The following LHFPL2 variants were observed in gnomAD, a reference collection of about 807,000 sequenced individuals.
The protein encoded by LHFPL2 is LHFPL tetraspan subfamily member 2 protein.
LHFPL2 carries 7 observed loss-of-function variants against 17.5 expected under a neutral mutation model. The observed-to-expected ratio is 0.40, with a 90% CI of 0.23 to 0.75. The LOEUF (loss-of-function observed/expected upper bound fraction) is 0.75, where lower values mean the gene tolerates loss of function less well. Ranked by LOEUF, LHFPL2 falls within the 30% of genes least tolerant of loss-of-function variation. The pLI, the probability that LHFPL2 is intolerant of heterozygous loss-of-function variation, is 0.37. For synonymous variants in LHFPL2, 134 were observed against 116.2 expected, an observed-to-expected ratio of 1.15 and a Z score of -0.99; for missense variants, 241 against 294.8, an observed-to-expected ratio of 0.82 and a Z score of 1.34.
chr5:78,515,067 T>C (rs988747807), intron 3 of LHFPL2, among the ~76,000 whole-genome samples: 32 of 152,170 alleles, frequency 2.1e-4, no homozygotes, highest in African/African-American at 7.0e-4. Context: ...CATTTTCCTA[T>C]ATAACCACAA....
In LHFPL2 at chr5:78,623,754, T is replaced by TA. The variant is rs564309816; in HGVS notation, c.-245+8509dup. On this transcript the variant is annotated intron_variant, in intron 2 of 4. Transcript: ENST00000380345. The stretch of plus-strand genomic sequence containing the variant: ...TAGATTTTCCAAATAAGCCATTTTT[T>TA]ATTAACACATATGTATTCTTAATTT... 3.8e-3 allele frequency among the ~76,000 whole-genome samples: 574 copies of TA among 152,370 alleles called. 4 individuals carry two copies. The highest frequency in any genetic ancestry group is 0.012 in the African/African-American group (495 of 41,586).
chr5:78,567,992 T>C (rs1756902511), intron 2 of LHFPL2, among the ~76,000 whole-genome samples: 1 of 130,210 alleles, frequency 7.7e-6, no homozygotes, highest in Non-Finnish European at 1.9e-5. Context: ...AAACTCAGTG[T>C]AAAGAGTGTG....
At chr5:78,587,933 G>C (rs1441710) in intron 2 of LHFPL2, among the ~76,000 whole-genome samples, 56,557 of 152,092 alleles carry the variant, frequency 0.37, 11,473 homozygotes, top group Middle Eastern at 0.48. Context: ...CTAAGGGCAA[G>C]TGAGGTCCCA....
At chr5:78,500,322 C>T (rs1378309183) in intron 4 of LHFPL2, among the ~76,000 whole-genome samples, 1 of 152,176 alleles carries the variant, frequency 6.6e-6, no homozygotes, top group Non-Finnish European at 1.5e-5. Context: ...CTGATTGCCT[C>T]CTACCCCTGA....
chr5:78,592,966 T>C (rs1743694783), intron 2 of LHFPL2, among the ~76,000 whole-genome samples: 1 of 152,228 alleles, frequency 6.6e-6, no homozygotes, highest in Non-Finnish European at 1.5e-5. Flanking sequence ...AAACATTCAA[T>C]ACTATGAACT....
chr5:78,614,148 A>G (rs1744515576), intron 2 of LHFPL2, among the ~76,000 whole-genome samples: 1 of 152,248 alleles, frequency 6.6e-6, no homozygotes, highest in Admixed American at 6.5e-5. Flanking sequence ...TCCAAGTTTT[A>G]AAAAGCTTCA....
chr5:78,526,846 C>T lies in LHFPL2; in HGVS notation c.-185-16448G>A, dbSNP rs112747568. Among the ~76,000 whole-genome samples the T allele has an allele frequency of 7.1e-3, 1,089 of 152,328 alleles. 2 individuals are homozygous for T. The highest frequency in any genetic ancestry group is 0.02 in the Middle Eastern group (6 of 294). On this transcript the variant is annotated intron_variant, in intron 3 of 4. Transcript: ENST00000380345. Reference sequence around the variant, plus strand: ...CACAGCACCCTCCATGTGACCCCAACATCCAATCAAAGACATCACCATGGC... The same window carrying T: ...CACAGCACCCTCCATGTGACCCCAATATCCAATCAAAGACATCACCATGGC...
At chr5:78,504,192 T>G (rs1326168810) in intron 4 of LHFPL2, among the ~76,000 whole-genome samples, 1 of 152,216 alleles carries the variant, frequency 6.6e-6, no homozygotes, top group Non-Finnish European at 1.5e-5. Flanking sequence ...CCAGAAGTCC[T>G]CAGGGCCTTG....
intron 2 of LHFPL2, among the ~76,000 whole-genome samples, chr5:78,626,843 G>A (rs921721892): frequency 2.0e-5 from 3 of 152,030 alleles, no homozygotes; most frequent in African/African-American, 7.3e-5. Flanking sequence ...CACTTTGGGA[G>A]GCCGAGACAG....
chr5:78,588,753 A>G (rs540231924), intron 2 of LHFPL2, among the ~76,000 whole-genome samples: 1 of 152,350 alleles, frequency 6.6e-6, no homozygotes, highest in African/African-American at 2.4e-5. Context: ...AGATAAAATA[A>G]CAGTCCCTGA....
intron 3 of LHFPL2, among the ~76,000 whole-genome samples, chr5:78,563,483 GTCAGGAGT>G (rs1756783229): frequency 6.6e-6 from 1 of 152,060 alleles, no homozygotes; most frequent in Non-Finnish European, 1.5e-5. Context: ...AGCACTTGAG[GTCAGGAGT>G]TCAAGACCAG....
At chr5:78,633,356 CAG>C (rs1233817986) in intron 1 of LHFPL2, among the ~76,000 whole-genome samples, 1 of 152,236 alleles carries the variant, frequency 6.6e-6, no homozygotes, top group Non-Finnish European at 1.5e-5. Context: ...GCCTCAGGGG[CAG>C]AGTCTGCCTG....
At chr5:78,580,944 G>A (rs1697308216) in intron 2 of LHFPL2, among the ~76,000 whole-genome samples, 1 of 152,156 alleles carries the variant, frequency 6.6e-6, no homozygotes, top group African/African-American at 2.4e-5. Flanking sequence ...GGGCAGTATG[G>A]CCATTTTCAC....
intron 3 of LHFPL2, among the ~76,000 whole-genome samples, chr5:78,560,054 C>G (rs1756682876): frequency 6.6e-6 from 1 of 152,166 alleles, no homozygotes; most frequent in African/African-American, 2.4e-5. Flanking sequence ...TACACACAAT[C>G]AAAGAATTTT....
intron 2 of LHFPL2, among the ~76,000 whole-genome samples, chr5:78,622,909 G>A (rs184002292): frequency 2.3e-4 from 35 of 152,276 alleles, no homozygotes; most frequent in Admixed American, 1.2e-3. Context: ...GACCCTTAAC[G>A]GGGTCAGGCC....
Position 78,594,854 on chromosome 5 carries a change from C to T in LHFPL2, c.-244-29983G>A, listed in dbSNP as rs531191732. Among the ~76,000 whole-genome samples the T allele has an allele frequency of 1.6e-4, 25 of 152,292 alleles. No homozygotes were observed. In the South Asian group the frequency reaches 5.2e-3, roughly 32 times the overall value. ...TAAATCACATATAGAATGGACATAG[C>T]CGCCAACGACCAAAGAAAGAATATA... On this transcript the variant is annotated intron_variant, in intron 2 of 4. Coordinates refer to ENST00000380345, the MANE Select transcript of LHFPL2 (RefSeq NM_005779.3).
intron 2 of LHFPL2, among the ~76,000 whole-genome samples, chr5:78,568,430 C>T (rs1409231248): frequency 6.6e-6 from 1 of 152,180 alleles, no homozygotes; most frequent in East Asian, 1.9e-4. Context: ...ACAGAGAACA[C>T]GGCCCCCACG....
At chr5:78,598,218 A>G (rs1743892776) in intron 2 of LHFPL2, among the ~76,000 whole-genome samples, 1 of 152,250 alleles carries the variant, frequency 6.6e-6, no homozygotes, top group South Asian at 2.1e-4. Flanking sequence ...TACTAGTTCA[A>G]GTTAATTCAC....
At chr5:78,604,230 C>A (rs2112477130) in intron 2 of LHFPL2, among the ~76,000 whole-genome samples, 1 of 152,326 alleles carries the variant, frequency 6.6e-6, no homozygotes, top group Middle Eastern at 3.4e-3. Flanking sequence ...GTAATCCCAG[C>A]ACTTTGGGAG....
Sources: gnomAD v4.1 joint callset for allele counts (sites outside exome capture counted in the v4.1 genomes callset) on GRCh38, gnomAD v4.1.1 for gene constraint, MANE v1.5 for transcripts, NCBI Gene and HGNC (gene_info 2026-07-23, HGNC 2026-07-21) for gene names.